Variants in DGLUCY observed in about 807,000 individuals in gnomAD.
DGLUCY encodes D-glutamate cyclase, mitochondrial.
In DGLUCY, 58 loss-of-function variants were observed where a neutral mutation model predicts 58.5. The observed-to-expected ratio is 0.99, with a 90% CI of 0.80 to 1.23. The LOEUF is 1.23. Ranked by LOEUF, DGLUCY falls within the 50% of genes most tolerant of loss-of-function variation. The pLI, the probability that DGLUCY is intolerant of heterozygous loss-of-function variation, is 0.00. For synonymous variants in DGLUCY, 325 were observed against 314.1 expected, an observed-to-expected ratio of 1.03 and a Z score of -0.37; for missense variants, 779 against 784.7, an observed-to-expected ratio of 0.99 and a Z score of 0.09.
At chr14:91,171,837 G>C (rs2048589098) in intron 5 of DGLUCY, among the ~76,000 whole-genome samples, 1 of 152,184 alleles carries the variant, frequency 6.6e-6, no homozygotes, top group Non-Finnish European at 1.5e-5. Context: ...GTGCTCCATG[G>C]GGTCTGGGGA....
intron 1 of DGLUCY, among the ~76,000 whole-genome samples, chr14:91,131,542 G>A (rs1297207183): frequency 6.6e-6 from 1 of 151,404 alleles, no homozygotes; most frequent in Non-Finnish European, 1.5e-5. Context: ...ATGTATACAT[G>A]TGCCATGTTG....
intron 1 of DGLUCY, among the ~76,000 whole-genome samples, chr14:91,062,031 A>G (rs772091168): frequency 5.9e-5 from 9 of 152,182 alleles, no homozygotes; most frequent in Non-Finnish European, 1.2e-4. Flanking sequence ...ACTTTTTTCT[A>G]TTAAGGGCCA....
rs147006834 is a variant in DGLUCY at position 91,173,309 on chromosome 14, C to T, written c.477C>T (p.Thr159=). The T allele has an allele frequency of 4.1e-5, 66 of 1,613,260 alleles. 1 individual carries two copies. In the East Asian group the frequency reaches 6.0e-4, roughly 15 times the overall value. ...GTCAGACAACAGTGCCTTGTGTTAC[C>T]CATGCTGGCTTCTGCTGCCCTCTGG... ...GAYKTTVPCV[T]HAGFCCPLVV... is the part of the protein sequence containing the mutation. Residue 159 remains threonine (T), a synonymous_variant, in exon 6 of 14, where the codon ACC becomes ACT. Coordinates refer to ENST00000256324, the MANE Select transcript of DGLUCY (RefSeq NM_001102368.3).
At chr14:91,134,342 A>G (rs146208771) in intron 1 of DGLUCY, among the ~76,000 whole-genome samples, 1 of 151,636 alleles carries the variant, frequency 6.6e-6, no homozygotes, top group African/African-American at 2.4e-5. Context: ...GTTTTACCAT[A>G]TTTTCCATAA....
chr14:91,168,754 G>T (rs565489823), intron 4 of DGLUCY, among the ~76,000 whole-genome samples: 4 of 152,342 alleles, frequency 2.6e-5, no homozygotes, highest in African/African-American at 7.2e-5. Context: ...TGTGTTTTCA[G>T]TGAAGTCTCA....
At chr14:91,074,105 ATATAT>A (rs1183662152) in intron 1 of DGLUCY, among the ~76,000 whole-genome samples, 2 of 94,860 alleles carry the variant, frequency 2.1e-5, no homozygotes, top group South Asian at 3.8e-4. Context: ...AAAAAAAAAA[ATATAT>A]ATATATATAC....
intron 1 of DGLUCY, among the ~76,000 whole-genome samples, chr14:91,098,126 CAGCAGAGATGAT>C (rs1444324860): frequency 6.6e-6 from 1 of 152,186 alleles, no homozygotes; most frequent in African/African-American, 2.4e-5. Flanking sequence ...AGGACCCTAA[CAGCAGAGATGAT>C]AGTAAAACAT....
intron 1 of DGLUCY, among the ~76,000 whole-genome samples, chr14:91,071,350 A>G (rs569665538): frequency 2.4e-4 from 37 of 151,740 alleles, no homozygotes; most frequent in Admixed American, 4.6e-4. Flanking sequence ...AAAAAAAAAA[A>G]AAGAAGTCTA....
At chr14:91,185,770 A>C (rs1323564489) in intron 8 of DGLUCY, among the ~76,000 whole-genome samples, 6 of 152,122 alleles carry the variant, frequency 3.9e-5, no homozygotes, top group African/African-American at 1.4e-4. Context: ...TGCTTAATAA[A>C]ACAAGCTAAG....
At chr14:91,119,996 G>C (rs1341965352) in intron 1 of DGLUCY, among the ~76,000 whole-genome samples, 3 of 152,146 alleles carry the variant, frequency 2.0e-5, no homozygotes, top group Non-Finnish European at 4.4e-5. Flanking sequence ...TGCATTGTTG[G>C]CTTCCCTACT....
upstream of DGLUCY, among the ~76,000 whole-genome samples, chr14:91,105,902 C>T (rs953405400): frequency 6.6e-6 from 1 of 152,156 alleles, no homozygotes. Flanking sequence ...CAAACCTGTA[C>T]AGCATGTGAC....
At chr14:91,220,382 C>T (rs1358244315) in intron 13 of DGLUCY, 2 of 419,878 alleles carry the variant, frequency 4.8e-6, no homozygotes, top group Non-Finnish European at 9.7e-6. Flanking sequence ...AAATGCCAAC[C>T]GTCATTATCA....
chr14:91,173,558 C>G, intron 6 of DGLUCY, 119 bp downstream of exon 6: 1 of 1,323,156 alleles, frequency 7.6e-7, no homozygotes. Context: ...CAGTGTCTCT[C>G]GCTCCTGCCC....
intron 13 of DGLUCY, among the ~76,000 whole-genome samples, chr14:91,219,949 A>G (rs1430152419): frequency 6.6e-6 from 1 of 152,202 alleles, no homozygotes; most frequent in Non-Finnish European, 1.5e-5. Context: ...GCCTCCAAGG[A>G]TGAGGCCTCG....
At chr14:91,154,833 G>T (rs2047526159) in intron 1 of DGLUCY, among the ~76,000 whole-genome samples, 1 of 152,132 alleles carries the variant, frequency 6.6e-6, no homozygotes, top group Non-Finnish European at 1.5e-5. Context: ...ATTTCCTGAG[G>T]CTCCGGGATA....
intron 1 of DGLUCY, among the ~76,000 whole-genome samples, chr14:91,157,079 A>T (rs561526109): frequency 3.5e-4 from 51 of 147,238 alleles, no homozygotes; most frequent in African/African-American, 1.2e-3. Flanking sequence ...GGATGGATGG[A>T]TGGATGGATG....
At chr14:91,156,113 A>G (rs946428157) in intron 1 of DGLUCY, among the ~76,000 whole-genome samples, 1 of 148,380 alleles carries the variant, frequency 6.7e-6, no homozygotes, top group African/African-American at 2.5e-5. Flanking sequence ...GGGTAGCCTC[A>G]TTCTTTTTTT....
Position 91,160,186 on chromosome 14 carries a change from T to C in DGLUCY, c.-29-80T>C, listed in dbSNP as rs1033003934. 5 of 860,776 alleles carry C rather than the reference T, an allele frequency of 5.8e-6. No homozygotes were observed. In the Middle Eastern group the frequency reaches 9.0e-4, roughly 155 times the overall value. The allele number at this position is 860,776 out of a possible 1,614,324, so 53.3% of individuals were successfully genotyped here. On this transcript the variant is annotated intron_variant, in intron 2 of 13. Transcript: ENST00000256324. ...GGAAAGGGTAGGATGTGATGTGGTA[T>C]GTGAAGCTATGTGAGGCTGAATCTG...
At chr14:91,106,044 A>G (rs2044582240), upstream of DGLUCY, among the ~76,000 whole-genome samples, 1 of 152,246 alleles carries the variant, frequency 6.6e-6, no homozygotes, top group Non-Finnish European at 1.5e-5. Context: ...GTGATGGCTC[A>G]TGCCTGTAAT....
Sources: allele counts gnomAD v4.1 joint callset (sites outside exome capture counted in the v4.1 genomes callset), GRCh38; gene constraint gnomAD v4.1.1; transcripts MANE v1.5; gene names NCBI Gene and HGNC (gene_info 2026-07-23, HGNC 2026-07-21).